The following PCDH11X variants were observed in gnomAD, a reference collection of about 807,000 sequenced individuals.
The protein encoded by PCDH11X is protocadherin 11 X-linked, also known as protocadherin-11 X-linked.
In PCDH11X, 18 loss-of-function variants were observed where a neutral mutation model predicts 53.3. The observed-to-expected ratio is 0.34, with a 90% CI of 0.23 to 0.50. The LOEUF (loss-of-function observed/expected upper bound fraction) is 0.50, where lower values mean the gene tolerates loss of function less well. Ranked by LOEUF, PCDH11X falls within the 20% of genes least tolerant of loss-of-function variation. PCDH11X has a pLI of 0.98. For synonymous variants in PCDH11X, 279 were observed against 393.3 expected (o/e 0.71, Z 3.44); for missense variants, 570 against 1,032.4 (o/e 0.55, Z 6.14).
rs763517726 is a variant in PCDH11X at position 92,414,972 on chromosome X, T to C, written c.3343+27039T>C. On this transcript the variant is annotated intron_variant, in intron 9 of 10. Transcript: ENST00000682573. ...TCTCAGGATTTATCTTTGAGGACAG[T>C]GTATACTTCTTAATTTATTTTAGTA... is the stretch of plus-strand genomic sequence containing the variant. Among the ~76,000 whole-genome samples, 5 of 110,794 alleles carry C rather than the reference T, an allele frequency of 4.5e-5. No homozygotes were observed. The South Asian group carries it at 1.9e-3, about 42-fold the overall frequency.
chrX:92,230,321 C>T (rs1412491219), intron 7 of PCDH11X, among the ~76,000 whole-genome samples: 2 of 102,075 alleles, frequency 2.0e-5, no homozygotes, highest in Admixed American at 2.3e-4. Context: ...AAAATGTATA[C>T]TTACAGTGTC....
chrX:92,193,422 T>A (rs1425592686), intron 6 of PCDH11X, among the ~76,000 whole-genome samples: 1 of 111,170 alleles, frequency 9.0e-6, no homozygotes, highest in East Asian at 2.8e-4. Context: ...CTATCTTTAC[T>A]ATATCGTGCT....
chrX:92,210,055 C>T (rs1055881355), intron 7 of PCDH11X, among the ~76,000 whole-genome samples: 2 of 110,585 alleles, frequency 1.8e-5, no homozygotes, highest in Admixed American at 9.7e-5. Context: ...CTGGGCATGG[C>T]TCATGAAACG....
intron 8 of PCDH11X, among the ~76,000 whole-genome samples, chrX:92,326,625 T>TATATATATATATATATATATA (rs1198560382): frequency 7.1e-4 from 36 of 50,824 alleles, no homozygotes; most frequent in African/African-American, 2.9e-3. Flanking sequence ...TAATAAACTA[T>TATATATATATATATATATATA]ATATATATAT....
intron 6 of PCDH11X, among the ~76,000 whole-genome samples, chrX:92,148,106 CTTTCTTTCTTTCTTTCTTTCTTTCTTT>C (rs1569389243): frequency 1.9e-3 from 33 of 16,959 alleles, no homozygotes; most frequent in Admixed American, 3.1e-3. Flanking sequence ...TTCTTTCTTT[CTTTCTTTCTTTCTTTCTTTCTTTCTTT>C]TTCCTTCCTT....
At chrX:92,554,060 A>G (rs1265058443) in intron 10 of PCDH11X, among the ~76,000 whole-genome samples, 3 of 106,924 alleles carry the variant, frequency 2.8e-5, no homozygotes, top group Non-Finnish European at 5.8e-5. Flanking sequence ...ATCATAGAAC[A>G]GTCGGTTTTA....
At chrX:91,805,216 A>G (rs148826491) in intron 1 of PCDH11X, among the ~76,000 whole-genome samples, 1,452 of 100,554 alleles carry the variant, frequency 0.014, 10 homozygotes, top group Non-Finnish European at 0.025. Context: ...CCCTCAAGAT[A>G]CAGAAATATA....
At chrX:92,263,791 C>A (rs1211500303) in intron 8 of PCDH11X, among the ~76,000 whole-genome samples, 1 of 112,243 alleles carries the variant, frequency 8.9e-6, no homozygotes, top group Non-Finnish European at 1.9e-5. Flanking sequence ...TATTGTTAAA[C>A]AAATAAACTA....
intron 8 of PCDH11X, among the ~76,000 whole-genome samples, chrX:92,291,062 C>A (rs1164522355): frequency 1.1e-5 from 1 of 92,269 alleles, no homozygotes; most frequent in African/African-American, 4.0e-5. Flanking sequence ...CAACCATGCC[C>A]AGCTATTTTT....
intron 6 of PCDH11X, among the ~76,000 whole-genome samples, chrX:91,997,979 G>A (rs1235795933): frequency 1.3e-4 from 14 of 106,389 alleles, no homozygotes; most frequent in Admixed American, 5.1e-4. Context: ...TGTCACCCAG[G>A]CTGGGGTGCA....
chrX:91,949,790 ATAAT>A (rs2061617070), intron 6 of PCDH11X, among the ~76,000 whole-genome samples: 1 of 109,718 alleles, frequency 9.1e-6, no homozygotes, highest in Admixed American at 9.8e-5. Context: ...GATACAAACT[ATAAT>A]TATTTAATTA....
chrX:92,329,803 A>G (rs2069419163), intron 8 of PCDH11X, among the ~76,000 whole-genome samples: 1 of 111,453 alleles, frequency 9.0e-6, no homozygotes, highest in African/African-American at 3.3e-5. Flanking sequence ...GGAGATAAAG[A>G]GTAGAATTAT....
At chrX:91,842,495 A>C (rs2147635522) in intron 5 of PCDH11X, among the ~76,000 whole-genome samples, 1 of 106,707 alleles carries the variant, frequency 9.4e-6, no homozygotes, top group East Asian at 2.8e-4. Context: ...CACTAAGGGC[A>C]TCAAAATAGA....
At chrX:92,508,582 T>C (rs984058864) in intron 10 of PCDH11X, among the ~76,000 whole-genome samples, 14 of 110,993 alleles carry the variant, frequency 1.3e-4, no homozygotes, top group Admixed American at 1.9e-4. Flanking sequence ...TAATGCTTTA[T>C]TGATATTTTA....
At position 91,936,599 on chromosome X, in the gene PCDH11X, T is replaced by C. The variant is rs2061447731; in HGVS notation, c.3033+57326T>C. 2.8e-5 allele frequency among the ~76,000 whole-genome samples: 3 copies of C among 106,374 alleles called. No individual in the cohort carries two copies. In the South Asian group the frequency reaches 1.2e-3, roughly 41 times the overall value. The allele number at this position is 106,374 out of a possible 115,157, so 92.4% of individuals were successfully genotyped here. On this transcript the variant is annotated intron_variant, in intron 6 of 10. Transcript: ENST00000682573. ...GTATAATATAGTTGAGAATGGTTCC[T>C]TGCCTAAAATAATTTTTATCATTTG...
chrX:92,560,354 G>A (rs1408185631), intron 10 of PCDH11X, among the ~76,000 whole-genome samples: 3 of 112,183 alleles, frequency 2.7e-5, no homozygotes, highest in Non-Finnish European at 3.8e-5. Flanking sequence ...TGCTGGCTTC[G>A]GGTGTGACCC....
At chrX:92,416,741 A>G (rs995625758) in intron 9 of PCDH11X, among the ~76,000 whole-genome samples, 43 of 109,075 alleles carry the variant, frequency 3.9e-4, no homozygotes, top group African/African-American at 1.4e-3. Context: ...CAATTATTAT[A>G]TGCCCATAAA....
intron 6 of PCDH11X, among the ~76,000 whole-genome samples, chrX:91,917,113 C>T (rs1277320873): frequency 1.8e-5 from 2 of 110,933 alleles, no homozygotes; most frequent in Non-Finnish European, 3.8e-5. Context: ...ATCCAGCATC[C>T]GCTTATGATT....
chrX:92,609,982 A>C (rs1404589908), intron 10 of PCDH11X, among the ~76,000 whole-genome samples: 1 of 111,911 alleles, frequency 8.9e-6, no homozygotes, highest in Non-Finnish European at 1.9e-5. Flanking sequence ...ATATATAAGA[A>C]ATCCAATCCA....
Sources: gnomAD v4.1 joint callset for allele counts (sites outside exome capture counted in the v4.1 genomes callset) on GRCh38, gnomAD v4.1.1 for gene constraint, MANE v1.5 for transcripts, NCBI Gene and HGNC (gene_info 2026-07-23, HGNC 2026-07-21) for gene names.